Variants in EPHA6 observed in about 807,000 individuals in gnomAD.
The protein encoded by EPHA6 is EPH receptor A6.
Under a neutral mutation model 112.0 loss-of-function variants are expected in EPHA6, and 50 were observed. The ratio of observed to expected loss-of-function variants is 0.45; its 90% CI spans 0.36 to 0.56. The LOEUF (loss-of-function observed/expected upper bound fraction) is 0.56, where lower values mean the gene tolerates loss of function less well. Ranked by LOEUF, EPHA6 falls within the 20% of genes least tolerant of loss-of-function variation. The pLI is 0.00. For missense variants in EPHA6, 1,280 were observed against 1,417.4 expected (o/e 0.90, Z 1.56); for synonymous variants, 529 against 490.7 (o/e 1.08, Z -1.03).
At chr3:97,458,561 C>T (rs139600274) in intron 7 of EPHA6, among the ~76,000 whole-genome samples, 3 of 152,088 alleles carry the variant, frequency 2.0e-5, no homozygotes, top group African/African-American at 7.2e-5. Flanking sequence ...TACATATATA[C>T]ACACATTCAT....
chr3:97,145,459 T>C (rs558000005), intron 3 of EPHA6, among the ~76,000 whole-genome samples: 1 of 151,444 alleles, frequency 6.6e-6, no homozygotes, highest in African/African-American at 2.4e-5. Flanking sequence ...TCACATTTTT[T>C]AAAAAATTTT....
At chr3:97,600,470 G>T (rs2093634080) in intron 12 of EPHA6, among the ~76,000 whole-genome samples, 1 of 151,626 alleles carries the variant, frequency 6.6e-6, no homozygotes, top group Non-Finnish European at 1.5e-5. Context: ...AGAGTTTTTA[G>T]CATGAAGGGT....
rs138552587 is a variant in EPHA6 at position 96,883,671 on chromosome 3, G to C, written c.450+16782G>C. On this transcript the variant is annotated intron_variant, in intron 2 of 17. Coordinates refer to ENST00000389672, the MANE Select transcript of EPHA6 (RefSeq NM_001080448.3). ...TCTCAACACCATTTTGTTTGGTTTG[G>C]TTTTGTATTTTTGAGACAGAGTCTC... Among the ~76,000 whole-genome samples the C allele has an allele frequency of 3.3e-3, 506 of 151,900 alleles. 1 individual carries two copies. The highest frequency in any genetic ancestry group is 4.2e-3 in the Admixed American group (64 of 15,244).
chr3:97,562,096 A>T (rs1163486749), intron 11 of EPHA6, among the ~76,000 whole-genome samples: 1 of 152,132 alleles, frequency 6.6e-6, no homozygotes, highest in Non-Finnish European at 1.5e-5. Context: ...TCTGATGGAG[A>T]CATACAAGGA....
At chr3:97,406,342 C>A (rs1200669323) in intron 6 of EPHA6, among the ~76,000 whole-genome samples, 1 of 152,114 alleles carries the variant, frequency 6.6e-6, no homozygotes, top group African/African-American at 2.4e-5. Context: ...TGGAAAGGAA[C>A]TTCTTGGTTA....
intron 2 of EPHA6, among the ~76,000 whole-genome samples, chr3:96,948,234 G>C (rs1259834070): frequency 1.3e-5 from 2 of 152,140 alleles, no homozygotes; most frequent in African/African-American, 2.4e-5. Context: ...TTATAGATCA[G>C]TTGTTTTCAT....
chr3:97,464,768 A>G (rs746944467), intron 7 of EPHA6, among the ~76,000 whole-genome samples: 13 of 152,130 alleles, frequency 8.5e-5, no homozygotes, highest in Non-Finnish European at 1.0e-4. Context: ...GTAGCTCTGC[A>G]CTGTGCTTTC....
chr3:97,450,636 T>C (rs1345047924), intron 7 of EPHA6, among the ~76,000 whole-genome samples: 1 of 152,094 alleles, frequency 6.6e-6, no homozygotes, highest in East Asian at 1.9e-4. Context: ...TTCAAGACAA[T>C]TTCTTCAGAT....
intron 2 of EPHA6, among the ~76,000 whole-genome samples, chr3:96,908,184 G>T (rs1379973836): frequency 6.6e-6 from 1 of 151,972 alleles, no homozygotes; most frequent in Non-Finnish European, 1.5e-5. Context: ...GCACAGGGAA[G>T]CTCCTTTATA....
intron 1 of EPHA6, among the ~76,000 whole-genome samples, chr3:96,821,178 T>C (rs1484033835): frequency 6.6e-6 from 1 of 151,972 alleles, no homozygotes; most frequent in African/African-American, 2.4e-5. Context: ...AAAAATTTTA[T>C]ATGACCAGTC....
At chr3:97,329,784 G>A (rs2108816156) in intron 5 of EPHA6, among the ~76,000 whole-genome samples, 1 of 152,144 alleles carries the variant, frequency 6.6e-6, no homozygotes, top group Non-Finnish European at 1.5e-5. Context: ...TCACTCTGAT[G>A]GTGGTTTCTT....
intron 14 of EPHA6, among the ~76,000 whole-genome samples, chr3:97,638,342 C>T (rs576881769): frequency 2.0e-5 from 3 of 152,148 alleles, no homozygotes; most frequent in African/African-American, 7.2e-5. Context: ...GCTTAACGTC[C>T]ATGTCATGAC....
At chr3:97,491,059 T>C (rs1253143126) in intron 10 of EPHA6, among the ~76,000 whole-genome samples, 4 of 152,194 alleles carry the variant, frequency 2.6e-5, no homozygotes, top group Non-Finnish European at 4.4e-5. Context: ...CAACAGAGTC[T>C]GCTAGTAAGA....
At chr3:96,849,245 G>A (rs1328715464) in intron 1 of EPHA6, among the ~76,000 whole-genome samples, 1 of 152,098 alleles carries the variant, frequency 6.6e-6, no homozygotes, top group African/African-American at 2.4e-5. Context: ...CATAAAAAGT[G>A]CCAGTTTAAA....
At chr3:97,566,108 G>A (rs1439292289) in intron 11 of EPHA6, among the ~76,000 whole-genome samples, 2 of 152,072 alleles carry the variant, frequency 1.3e-5, no homozygotes, top group Admixed American at 1.3e-4. Context: ...GGCTTCTGGT[G>A]AGAGTGCCAG....
chr3:97,505,286 C>T (rs1577603045), intron 10 of EPHA6, among the ~76,000 whole-genome samples: 1 of 152,228 alleles, frequency 6.6e-6, no homozygotes, highest in East Asian at 1.9e-4. Context: ...GTTTGCTGCA[C>T]CCATCAACCC....
At chr3:97,122,460 T>C (rs2048067087) in intron 3 of EPHA6, among the ~76,000 whole-genome samples, 1 of 152,098 alleles carries the variant, frequency 6.6e-6, no homozygotes, top group African/African-American at 2.4e-5. Context: ...TGGAAATCTA[T>C]TGATTTTATA....
At chr3:97,615,589 G>A (rs942288974) in intron 13 of EPHA6, among the ~76,000 whole-genome samples, 17 of 152,288 alleles carry the variant, frequency 1.1e-4, no homozygotes, top group Admixed American at 2.6e-4. Context: ...TTCCTGGGGG[G>A]AGGGGCAGGC....
chr3:96,994,128 C>A, intron 3 of EPHA6: 1 of 252,548 alleles, frequency 4.0e-6, no homozygotes. Context: ...GGGCAGTAGA[C>A]TTTTACTCTT....
Sources: allele counts gnomAD v4.1 joint callset (sites outside exome capture counted in the v4.1 genomes callset), GRCh38; gene constraint gnomAD v4.1.1; transcripts MANE v1.5; gene names NCBI Gene and HGNC (gene_info 2026-07-23, HGNC 2026-07-21).